The following RBMS3 variants were observed in gnomAD, a reference collection of about 807,000 sequenced individuals.
RBMS3 encodes the protein RNA binding motif single stranded interacting protein 3.
Under a neutral mutation model 66.8 loss-of-function variants are expected in RBMS3, and 27 were observed. The ratio of observed to expected loss-of-function variants is 0.40; its 90% CI spans 0.30 to 0.56. RBMS3 has a LOEUF of 0.56. Among genes scored for constraint, RBMS3 ranks in the 20% least tolerant of loss-of-function variants. The pLI is 0.40. For synonymous variants in RBMS3, 188 were observed against 183.0 expected (o/e 1.03, Z -0.22); for missense variants, 513 against 549.5 (o/e 0.93, Z 0.66).
chr3:29,632,637 T>C (rs2049325062), intron 4 of RBMS3, among the ~76,000 whole-genome samples: 1 of 151,926 alleles, frequency 6.6e-6, no homozygotes, highest in Non-Finnish European at 1.5e-5. Context: ...CTCAGTCTTG[T>C]AAATAGCATT....
At chr3:29,393,781 G>A (rs1298612165) in intron 1 of RBMS3, among the ~76,000 whole-genome samples, 6 of 147,860 alleles carry the variant, frequency 4.1e-5, no homozygotes, top group East Asian at 2.3e-4. Context: ...GGCAGGTTCC[G>A]TGATGCCCCC....
intron 2 of RBMS3, among the ~76,000 whole-genome samples, chr3:29,442,588 A>C (rs1367178460): frequency 2.0e-5 from 3 of 152,146 alleles, no homozygotes; most frequent in Non-Finnish European, 4.4e-5. Flanking sequence ...GTGCTGAGTA[A>C]ACATCTGGAG....
chr3:29,782,420 A>G (rs1359254955), intron 6 of RBMS3, among the ~76,000 whole-genome samples: 1 of 152,194 alleles, frequency 6.6e-6, no homozygotes. Flanking sequence ...GGCTAGATCC[A>G]GGAGAGCAAT....
At chr3:29,346,396 CTT>C (rs34803214) in intron 1 of RBMS3, among the ~76,000 whole-genome samples, 57 of 59,984 alleles carry the variant, frequency 9.5e-4, no homozygotes, top group African/African-American at 2.6e-3. Flanking sequence ...GCAATTCATT[CTT>C]TTTTTTTTTT....
chr3:29,577,852 A>T (rs1576277919), intron 3 of RBMS3, among the ~76,000 whole-genome samples: 1 of 152,110 alleles, frequency 6.6e-6, no homozygotes, highest in Non-Finnish European at 1.5e-5. Flanking sequence ...CTCTTTCAAG[A>T]TATGAAGTTA....
intron 7 of RBMS3, among the ~76,000 whole-genome samples, chr3:29,880,084 C>T (rs965119886): frequency 6.6e-6 from 1 of 152,098 alleles, no homozygotes; most frequent in African/African-American, 2.4e-5. Flanking sequence ...TAAAAATCCC[C>T]TAATTATTCC....
At chr3:29,519,333 G>A (rs574380457) in intron 3 of RBMS3, among the ~76,000 whole-genome samples, 1 of 152,292 alleles carries the variant, frequency 6.6e-6, no homozygotes, top group African/African-American at 2.4e-5. Context: ...AGAAGGGTTA[G>A]AAAGGCACAT....
chr3:29,593,592 A>G (rs1241124111), intron 4 of RBMS3, among the ~76,000 whole-genome samples: 2 of 152,210 alleles, frequency 1.3e-5, no homozygotes, highest in Admixed American at 6.5e-5. Context: ...AATAATGTCC[A>G]TGTCTTTTTG....
At chr3:29,880,328 G>A (rs1326211616) in intron 7 of RBMS3, among the ~76,000 whole-genome samples, 1 of 152,022 alleles carries the variant, frequency 6.6e-6, no homozygotes, top group Non-Finnish European at 1.5e-5. Flanking sequence ...ACTCCTTTTT[G>A]AAAATAAGTG....
intron 11 of RBMS3, among the ~76,000 whole-genome samples, chr3:29,941,862 A>T (rs2061401563): frequency 6.6e-6 from 1 of 151,846 alleles, no homozygotes; most frequent in African/African-American, 2.4e-5. Flanking sequence ...ATCAAAATGC[A>T]GTACAAATTG....
rs1553635421 is a variant in RBMS3 at position 29,640,284 on chromosome 3, ACC to A, written c.399+53081_399+53082del. ...CACACACACACACACACACACACACACCCACACACACACGAAAGACGGAAAGA... is the reference window on the plus strand; with the variant it reads ...CACACACACACACACACACACACACACACACACACACGAAAGACGGAAAGA... On this transcript the variant is annotated intron_variant, in intron 4 of 14. Coordinates refer to ENST00000383767, the MANE Select transcript of RBMS3 (RefSeq NM_001003793.3). Among the ~76,000 whole-genome samples the A allele has an allele frequency of 2.5e-3, 345 of 138,176 alleles. 2 individuals are homozygous for A. The highest frequency in any genetic ancestry group is 0.014 in the East Asian group (35 of 2,430). 90.6% of individuals were successfully genotyped at this position (138,176 alleles called of 152,430 possible).
chr3:29,329,855 ATAT>A (rs1317623622), intron 1 of RBMS3, among the ~76,000 whole-genome samples: 1 of 147,982 alleles, frequency 6.8e-6, no homozygotes, highest in East Asian at 1.9e-4. Context: ...ATTTTAATAT[ATAT>A]TAACTATATA....
chr3:29,975,420 G>A (rs1471017596), intron 12 of RBMS3, among the ~76,000 whole-genome samples: 1 of 151,620 alleles, frequency 6.6e-6, no homozygotes, highest in African/African-American at 2.4e-5. Flanking sequence ...CCAACACTTG[G>A]TATTGTGAGC....
chr3:29,408,130 G>T (rs2125678609), intron 1 of RBMS3, among the ~76,000 whole-genome samples: 1 of 151,180 alleles, frequency 6.6e-6, no homozygotes, highest in South Asian at 2.1e-4. Flanking sequence ...AAATTAGCTG[G>T]GTGTGGTGGC....
At chr3:29,718,773 A>G (rs1000696301) in intron 4 of RBMS3, among the ~76,000 whole-genome samples, 1 of 152,128 alleles carries the variant, frequency 6.6e-6, no homozygotes, top group Non-Finnish European at 1.5e-5. Flanking sequence ...GGCCAAGGAG[A>G]TGTGCTGCCG....
At chr3:29,386,417 G>C (rs1187778674) in intron 1 of RBMS3, among the ~76,000 whole-genome samples, 1 of 151,950 alleles carries the variant, frequency 6.6e-6, no homozygotes, top group East Asian at 1.9e-4. Context: ...ACTTCAAAAT[G>C]ATCCCACTAT....
intron 2 of RBMS3, among the ~76,000 whole-genome samples, chr3:29,473,049 G>T (rs559646998): frequency 6.6e-6 from 1 of 150,520 alleles, no homozygotes; most frequent in Admixed American, 6.7e-5. Flanking sequence ...GTAGATTGGT[G>T]CATTCACAAA....
chr3:29,855,068 C>A (rs2149525010), intron 6 of RBMS3, among the ~76,000 whole-genome samples: 1 of 152,254 alleles, frequency 6.6e-6, no homozygotes, highest in South Asian at 2.1e-4. Context: ...AGTTATTCCC[C>A]TGTTTACCTT....
chr3:29,741,693 A>G (rs116643055), intron 5 of RBMS3, among the ~76,000 whole-genome samples: 3,449 of 152,330 alleles, frequency 0.023, 53 homozygotes, highest in Non-Finnish European at 0.032. Context: ...TAGGTCTGTC[A>G]TAACAAAATG....
Sources: allele counts gnomAD v4.1 joint callset (sites outside exome capture counted in the v4.1 genomes callset), GRCh38; gene constraint gnomAD v4.1.1; transcripts MANE v1.5; gene names NCBI Gene and HGNC (gene_info 2026-07-23, HGNC 2026-07-21).